Variants in CCDC47 observed in about 807,000 individuals in gnomAD.
CCDC47 encodes the protein PAT complex subunit CCDC47.
Under a neutral mutation model 60.5 loss-of-function variants are expected in CCDC47, and 41 were observed. That is an observed-to-expected ratio of 0.68 (90% CI 0.53 to 0.88). CCDC47 has a LOEUF of 0.88. Ranked by LOEUF, CCDC47 falls within the 40% of genes least tolerant of loss-of-function variation. CCDC47 has a pLI of 0.00. For missense variants in CCDC47, 513 were observed against 580.9 expected (o/e 0.88, Z 1.20); for synonymous variants, 195 against 190.7 (o/e 1.02, Z -0.18).
intron 1 of CCDC47, among the ~76,000 whole-genome samples, 190 bp from the exon 2 acceptor site, chr17:63,766,384 C>A (rs1265569281): frequency 1.3e-5 from 2 of 152,124 alleles, no homozygotes; most frequent in East Asian, 3.9e-4. Flanking sequence ...CCTGGCACTA[C>A]ATATCTGTAA....
intron 12 of CCDC47, among the ~76,000 whole-genome samples, chr17:63,750,952 G>A (rs911484584): frequency 3.6e-4 from 54 of 151,286 alleles, no homozygotes; most frequent in African/African-American, 1.3e-3. Context: ...ATAGCTCACT[G>A]CAGCCTCAAT....
intron 5 of CCDC47, 113 bp downstream of exon 5, chr17:63,761,117 G>A (rs2039255707): frequency 2.1e-6 from 3 of 1,443,450 alleles, no homozygotes; most frequent in Non-Finnish European, 1.9e-6. Flanking sequence ...ATCACTTTTA[G>A]ACCTCATTTT....
intron 4 of CCDC47, among the ~76,000 whole-genome samples, chr17:63,763,515 A>G (rs1391225153): frequency 6.6e-6 from 1 of 151,734 alleles, no homozygotes; most frequent in African/African-American, 2.4e-5. Flanking sequence ...ACAGCGTGAG[A>G]CCTTGCCTCA....
intron 3 of CCDC47, among the ~76,000 whole-genome samples, chr17:63,764,423 T>G (rs2039282758): frequency 6.6e-6 from 1 of 152,208 alleles, no homozygotes; most frequent in South Asian, 2.1e-4. Context: ...TGGAAAGCCC[T>G]TTGTTTTACA....
chr17:63,771,585 A>T (rs1446842642), intron 1 of CCDC47, among the ~76,000 whole-genome samples: 2 of 152,204 alleles, frequency 1.3e-5, no homozygotes, highest in Non-Finnish European at 2.9e-5. Context: ...TTAGTTACTA[A>T]TGAGTGTTTT....
intron 12 of CCDC47, among the ~76,000 whole-genome samples, chr17:63,751,347 C>CA (rs2039162685): frequency 1.1e-5 from 1 of 94,032 alleles, no homozygotes; most frequent in African/African-American, 4.0e-5. Context: ...GCCTGGGTGA[C>CA]AGAGTGAGAC....
chr17:63,770,797 T>C, intron 1 of CCDC47, among the ~76,000 whole-genome samples: 1 of 151,242 alleles, frequency 6.6e-6, no homozygotes, highest in African/African-American at 2.4e-5. Context: ...AACAGCCTGG[T>C]CAACATGGTG....
intron 1 of CCDC47, among the ~76,000 whole-genome samples, chr17:63,769,048 C>T (rs2039316712): frequency 6.7e-6 from 1 of 149,946 alleles, no homozygotes; most frequent in Non-Finnish European, 1.5e-5. Context: ...TGTACCACTG[C>T]ACTCTAGCCC....
intron 1 of CCDC47, among the ~76,000 whole-genome samples, chr17:63,773,026 G>C (rs1379766272): frequency 6.6e-6 from 1 of 152,202 alleles, no homozygotes; most frequent in African/African-American, 2.4e-5. Flanking sequence ...TTTTAGATTA[G>C]GTCTTCCTGA....
At position 63,757,822 on chromosome 17, in the gene CCDC47, C is replaced by G. The variant is rs551574293; in HGVS notation, c.736-1252G>C. On this transcript the variant is annotated intron_variant, in intron 6 of 12. Transcript: ENST00000225726. ...AGTATCTTTTGTTACTTATACTGAG[C>G]CCCTTTTAATCACACCTGAGTTTAT... 5.8e-4 allele frequency among the ~76,000 whole-genome samples: 89 copies of G among 152,272 alleles called. 1 individual carries two copies. The South Asian group carries it at 0.018, about 31-fold the overall frequency.
chr17:63,761,537 ATTAT>A (rs2039261116), intron 4 of CCDC47, 186 bp from the exon 5 acceptor site: 1 of 420,736 alleles, frequency 2.4e-6, no homozygotes, highest in Non-Finnish European at 4.0e-6. Context: ...AAAAAAAAAA[ATTAT>A]AAAAAATTAG....
At chr17:63,765,840 A>C in intron 2 of CCDC47, 72 bp downstream of exon 2, 1 of 1,479,490 alleles carries the variant, frequency 6.8e-7, no homozygotes, top group Non-Finnish European at 9.1e-7. Flanking sequence ...CTTGAGCCTG[A>C]GGATTAATTT....
At chr17:63,752,557 G>A (rs1453389715) in intron 10 of CCDC47, 128 bp from the exon 11 acceptor site, 2 of 747,708 alleles carry the variant, frequency 2.7e-6, no homozygotes, top group East Asian at 3.0e-5. Context: ...TTAAAATGCA[G>A]CAGAAAATAT....
At chr17:63,752,602 A>C in intron 10 of CCDC47, 139 bp downstream of exon 10, 1 of 908,806 alleles carries the variant, frequency 1.1e-6, no homozygotes, top group South Asian at 2.2e-5. Flanking sequence ...TTCTTCTTGA[A>C]GAAATCTGGA....
At position 63,765,952 on chromosome 17, in the gene CCDC47, T is replaced by C. The variant is rs1007093556; in HGVS notation, c.224A>G (p.Asp75Gly). 6.8e-6 allele frequency: 11 copies of C among 1,613,926 alleles called. No homozygotes were observed. The African/African-American group carries it at 1.2e-4, about 18-fold the overall frequency. Residue 75 changes from aspartate (D) to glycine (G), a missense_variant, in exon 2 of 13, where the codon GAT becomes GGT. By Grantham distance (94) the Asp-to-Gly change is moderately conservative (BLOSUM62 -1). Transcript: ENST00000225726. ...DETTVELEGQ[D>G]ENQEGDFEDA... ...TTCAAAATCTCCTTCTTGGTTTTCA[T>C]CCTGCCCTTCCAACTCCACAGTGGT...
In CCDC47 at chr17:63,752,426, G is replaced by A. The variant is rs560428782; in HGVS notation, c.1097C>T (p.Pro366Leu). The change falls in exon 11 of 13, where the codon CCT (proline) becomes CTT (leucine). Residue 366 changes from proline (P) to leucine (L), a missense_variant. Pro to Leu is a moderately conservative substitution (Grantham distance 98). Coordinates refer to ENST00000225726, the MANE Select transcript of CCDC47 (RefSeq NM_020198.3). The part of the protein sequence containing the change: ...KRTLLFTFNV[P>L]GSGNTYPKDM... ...CTTTGGGTAAGTGTTACCTGAGCCA[G>A]GCACTGGAAAACAAAGCCATTTTTC... The A allele has an allele frequency of 2.1e-5, 34 of 1,603,480 alleles. No homozygotes were observed. In the East Asian group the frequency reaches 6.7e-4, roughly 32 times the overall value.
intron 4 of CCDC47, among the ~76,000 whole-genome samples, chr17:63,763,189 CT>C (rs1458230571): frequency 6.6e-6 from 1 of 152,160 alleles, no homozygotes; most frequent in Non-Finnish European, 1.5e-5. Flanking sequence ...TCCCAAATCA[CT>C]GGAATTACAC....
intron 1 of CCDC47, among the ~76,000 whole-genome samples, chr17:63,772,007 G>A (rs998468874): frequency 3.3e-5 from 5 of 151,958 alleles, no homozygotes; most frequent in African/African-American, 7.3e-5. Flanking sequence ...GCTTGAACCC[G>A]AGAGATGGAG....
chr17:63,765,652 C>T, intron 2 of CCDC47: 2 of 1,211,988 alleles, frequency 1.7e-6, no homozygotes, highest in South Asian at 2.4e-5. Flanking sequence ...TTGCAAAGTT[C>T]TAAATAATAC....
Sources: gnomAD v4.1 joint callset for allele counts (sites outside exome capture counted in the v4.1 genomes callset) on GRCh38, gnomAD v4.1.1 for gene constraint, MANE v1.5 for transcripts, NCBI Gene and HGNC (gene_info 2026-07-23, HGNC 2026-07-21) for gene names.